PCDHA6: variants seen among roughly 807,000 people sequenced by gnomAD.
The protein encoded by PCDHA6 is protocadherin alpha 6.
PCDHA6 carries 55 observed loss-of-function variants against 60.3 expected under a neutral mutation model. That is an observed-to-expected ratio of 0.91 (90% CI 0.73 to 1.14). PCDHA6 has a LOEUF of 1.14. Among genes scored for constraint, PCDHA6 ranks in the 50% most tolerant of loss-of-function variants. The pLI is 0.00. For synonymous variants in PCDHA6, 652 were observed against 557.9 expected (o/e 1.17, Z -2.38); for missense variants, 1,327 against 1,256.5 (o/e 1.06, Z -0.85).
intron 3 of PCDHA6, among the ~76,000 whole-genome samples, chr5:140,993,462 TCACACACACACACA>T (rs3836747): frequency 0.028 from 4,017 of 141,026 alleles, 179 homozygotes; most frequent in African/African-American, 0.099. Context: ...TCTTTCTTTC[TCACACACACACACA>T]CACACACACA....
chr5:140,864,396 G>A (rs2048459702), intron 1 of PCDHA6: 1 of 152,210 alleles, frequency 6.6e-6, no homozygotes, highest in Non-Finnish European at 1.5e-5. Context: ...CACAAATGGT[G>A]ATGAGCAGGG....
chr5:140,885,138 T>C (rs1582817960), intron 1 of PCDHA6, among the ~76,000 whole-genome samples: 1 of 152,206 alleles, frequency 6.6e-6, no homozygotes, highest in Admixed American at 6.5e-5. Context: ...TTTCTTTTTT[T>C]AAACTGTTTT....
intron 1 of PCDHA6, chr5:140,926,929 G>A (rs1554203825): frequency 6.3e-7 from 1 of 1,575,722 alleles, no homozygotes; most frequent in South Asian, 1.2e-5. Flanking sequence ...ATGTTTGTGG[G>A]TTTCCTGCGG....
Position 140,871,256 on chromosome 5 carries a change from C to T in PCDHA6, c.2394+40771C>T, listed in dbSNP as rs781990448. ...CTGGTACTCACGCTGCTGCTGTATA[C>T]GGCGCTGTGGTGGTCGGCAACGCCC... On this transcript the variant is annotated intron_variant, in intron 1 of 3. Coordinates refer to ENST00000529310, the MANE Select transcript of PCDHA6 (RefSeq NM_018909.4). The T allele has an allele frequency of 4.3e-6, 7 of 1,613,866 alleles. No individual in the cohort carries two copies. Among genetic ancestry groups the T allele is most frequent in the East Asian group, 2.2e-5 (1 of 44,888 alleles).
intron 1 of PCDHA6, among the ~76,000 whole-genome samples, chr5:140,976,508 G>A (rs1039409709): frequency 6.6e-6 from 1 of 151,976 alleles, no homozygotes; most frequent in Non-Finnish European, 1.5e-5. Context: ...CCAAGATCGC[G>A]CCACTGCACA....
Position 140,853,615 on chromosome 5 carries a change from A to G in PCDHA6, c.2394+23130A>G, listed in dbSNP as rs1265889147. 5 of 988,116 alleles carry G rather than the reference A, an allele frequency of 5.1e-6. 1 individual carries two copies. Among genetic ancestry groups the G allele is most frequent in the Non-Finnish European group, 6.1e-6 (5 of 820,262 alleles). 61.2% of individuals were successfully genotyped at this position (988,116 alleles called of 1,614,324 possible). ...TTTGAGAGCAAAGGGGGTGCTGTAA[A>G]TAAGTATACAAGATCACAGACCTAA... On this transcript the variant is annotated intron_variant, in intron 1 of 3. Coordinates refer to ENST00000529310, the MANE Select transcript of PCDHA6 (RefSeq NM_018909.4).
rs2150182524 is a variant in PCDHA6 at position 140,830,182 on chromosome 5, C to A, written c.2091C>A (p.Asn697Lys). ...AGPEAALVDV[N>K]VYLIIAICAV... ...CAGAGGCGGCGCTGGTGGATGTCAA[C>A]GTGTACCTGATCATCGCCATCTGCG... Residue 697 changes from asparagine to lysine, a missense_variant, in exon 1 of 4, where the codon AAC becomes AAA. Transcript: ENST00000529310. 6.2e-7 allele frequency: 1 copy of A among 1,613,656 alleles called. No homozygotes were observed.
chr5:140,829,215 A>G lies in PCDHA6; in HGVS notation c.1124A>G (p.Asn375Ser), dbSNP rs2150163989. 3.1e-6 allele frequency: 5 copies of G among 1,614,224 alleles called. No homozygotes were observed. Among genetic ancestry groups the G allele is most frequent in the Middle Eastern group, 1.6e-4 (1 of 6,062 alleles). The change falls in exon 1 of 4, where the codon AAC becomes AGC. Residue 375 changes from asparagine to serine, a missense_variant. By Grantham distance (46) the Asn-to-Ser change is conservative. Coordinates refer to ENST00000529310, the MANE Select transcript of PCDHA6 (RefSeq NM_018909.4). ...ACTGTCATCGCCCTAATTAGCGTGA[A>G]CGACCTCGATTCAGGTGCCAACGGG... ...FGTVIALISV[N>S]DLDSGANGQV...
chr5:140,997,606 A>G (rs1554255929), intron 3 of PCDHA6, among the ~76,000 whole-genome samples: 1 of 152,090 alleles, frequency 6.6e-6, no homozygotes, highest in Non-Finnish European at 1.5e-5. Context: ...TATGGGGCGC[A>G]TGACTATATA....
chr5:140,983,719 A>C (rs1417350764), intron 3 of PCDHA6, among the ~76,000 whole-genome samples: 1 of 152,256 alleles, frequency 6.6e-6, no homozygotes, highest in African/African-American at 2.4e-5. Context: ...TAGCACTTAT[A>C]TTCATAACAT....
At position 141,010,386 on chromosome 5, in the gene PCDHA6, T is replaced by C; in HGVS notation, c.*449T>C. On this transcript the variant is annotated 3_prime_UTR_variant, in exon 4 of 4. Coordinates refer to ENST00000529310, the MANE Select transcript of PCDHA6 (RefSeq NM_018909.4). ...GGGTATGCGAGTGCCAGATATTGGCTGAGACGAGCCAGCTTAGACTAATTG... is the reference window on the plus strand; with the variant it reads ...GGGTATGCGAGTGCCAGATATTGGCCGAGACGAGCCAGCTTAGACTAATTG... The C allele has an allele frequency of 7.1e-7, 1 of 1,413,970 alleles. No homozygotes were observed. The highest frequency in any genetic ancestry group is 9.4e-7 in the Non-Finnish European group (1 of 1,063,616). 87.6% of individuals were successfully genotyped at this position (1,413,970 alleles called of 1,614,324 possible). A position where few individuals can be genotyped will look rare whatever the true frequency, so the allele number is the denominator to read the frequency against.
At chr5:140,870,886 G>A (rs17844350) in intron 1 of PCDHA6, 1 of 1,613,944 alleles carries the variant, frequency 6.2e-7, no homozygotes, top group East Asian at 2.2e-5. Flanking sequence ...GAAGGTGCGC[G>A]CAGTGGATGC....
At chr5:140,840,796 G>C (rs1776878567) in intron 1 of PCDHA6, among the ~76,000 whole-genome samples, 1 of 152,038 alleles carries the variant, frequency 6.6e-6, no homozygotes. Flanking sequence ...GCTCACCTCA[G>C]AGTAATATAT....
At chr5:140,991,569 A>G (rs1157834136) in intron 3 of PCDHA6, among the ~76,000 whole-genome samples, 4 of 152,188 alleles carry the variant, frequency 2.6e-5, no homozygotes, top group Admixed American at 6.5e-5. Flanking sequence ...GTTTCCAATA[A>G]CAGGCTCCTT....
intron 1 of PCDHA6, among the ~76,000 whole-genome samples, chr5:140,941,845 C>T (rs2093180727): frequency 6.6e-6 from 1 of 152,160 alleles, no homozygotes. Context: ...GCTGCCATTA[C>T]CTGATATTCC....
At position 140,829,386 on chromosome 5, in the gene PCDHA6, C is replaced by A; in HGVS notation, c.1295C>A (p.Ser432Ter). Residue 432 changes from serine (S) to a stop codon, truncating the protein, a stop_gained, in exon 1 of 4, where the codon TCG becomes TAG. Coordinates refer to ENST00000529310, the MANE Select transcript of PCDHA6 (RefSeq NM_018909.4). LOFTEE classifies it high-confidence loss of function. ...ELVVTARDGG[S>*]PSLWATASLS... is the part of the protein sequence containing the mutation. ...GTGGTAACCGCGCGGGACGGGGGCT[C>A]GCCTTCGCTGTGGGCCACCGCCAGC... The A allele has an allele frequency of 6.2e-7, 1 of 1,614,034 alleles. No homozygotes were observed. The highest frequency in any genetic ancestry group is 8.5e-7 in the Non-Finnish European group (1 of 1,180,020).
At chr5:140,930,778 T>G (rs891094443) in intron 1 of PCDHA6, among the ~76,000 whole-genome samples, 1 of 152,200 alleles carries the variant, frequency 6.6e-6, no homozygotes, top group African/African-American at 2.4e-5. Flanking sequence ...CTTAATATTT[T>G]CACAATATAA....
intron 1 of PCDHA6, chr5:140,848,872 T>C: frequency 6.3e-7 from 1 of 1,590,738 alleles, no homozygotes; most frequent in Non-Finnish European, 8.6e-7. Flanking sequence ...GTGAAGGACA[T>C]TAACGACAAC....
At chr5:140,858,849 A>G (rs2045624236) in intron 1 of PCDHA6, 2 of 285,640 alleles carry the variant, frequency 7.0e-6, no homozygotes, top group Admixed American at 5.1e-5. Context: ...CCACTGATCT[A>G]TATCTCTTCA....
Sources: gnomAD v4.1 joint callset for allele counts (sites outside exome capture counted in the v4.1 genomes callset) on GRCh38, gnomAD v4.1.1 for gene constraint, MANE v1.5 for transcripts, NCBI Gene and HGNC (gene_info 2026-07-23, HGNC 2026-07-21) for gene names.